LRPPRC: variants seen among roughly 807,000 people sequenced by gnomAD.
LRPPRC encodes the protein leucine-rich PPR motif-containing protein, mitochondrial.
In LRPPRC, 120 loss-of-function variants were observed where a neutral mutation model predicts 180.3. The observed-to-expected ratio is 0.67, with a 90% CI of 0.57 to 0.77. LRPPRC has a LOEUF of 0.77. Ranked by LOEUF, LRPPRC falls within the 30% of genes least tolerant of loss-of-function variation. The pLI is 0.00. For synonymous variants in LRPPRC, 723 were observed against 600.0 expected (o/e 1.21, Z -3.00); for missense variants, 2,012 against 1,657.2 (o/e 1.21, Z -3.72).
At chr2:43,959,356 T>TAAA (rs1673247280) in intron 13 of LRPPRC, 1 of 597,480 alleles carries the variant, frequency 1.7e-6, no homozygotes, top group African/African-American at 1.9e-5. Flanking sequence ...CTTACAATAT[T>TAAA]ACAACAAATA....
chr2:43,927,831 T>C (rs1283365826), intron 25 of LRPPRC, among the ~76,000 whole-genome samples: 1 of 152,234 alleles, frequency 6.6e-6, no homozygotes. Flanking sequence ...TTTTCATATA[T>C]AAATCTCAAT....
At chr2:43,954,157 C>T (rs990359321) in intron 14 of LRPPRC, among the ~76,000 whole-genome samples, 3 of 152,204 alleles carry the variant, frequency 2.0e-5, no homozygotes, top group African/African-American at 4.8e-5. Flanking sequence ...CTTATCCTTA[C>T]ATTTCTCTCT....
chr2:43,940,707 C>G (rs1011023342), intron 23 of LRPPRC, among the ~76,000 whole-genome samples: 5 of 152,168 alleles, frequency 3.3e-5, no homozygotes, highest in Admixed American at 6.5e-5. Flanking sequence ...GAACCTGAAA[C>G]TGCATCATAC....
At chr2:43,913,040 G>C (rs1370480208) in intron 29 of LRPPRC, among the ~76,000 whole-genome samples, 2 of 152,092 alleles carry the variant, frequency 1.3e-5, no homozygotes, top group Non-Finnish European at 2.9e-5. Context: ...CAGCACAATA[G>C]CACTAAAGAG....
chr2:43,977,308 A>G (rs765457279), intron 3 of LRPPRC, 32 bp from the exon 4 acceptor site: 23 of 1,561,688 alleles, frequency 1.5e-5, no homozygotes, highest in Non-Finnish European at 2.0e-5. Flanking sequence ...AATTTTTAGA[A>G]AAGCATTGAA....
At position 43,986,372 on chromosome 2, in the gene LRPPRC, C is replaced by T. The variant is rs572981044; in HGVS notation, c.150-3938G>A. ...CTCAAACTCCTGACCTCAAGCGATC[C>T]GCCCACCTTGGCCTCCCAAAGTGCT... On this transcript the variant is annotated intron_variant, in intron 1 of 37. Coordinates refer to ENST00000260665, the MANE Select transcript of LRPPRC (RefSeq NM_133259.4). Among the ~76,000 whole-genome samples, 467 of 152,224 alleles carry T rather than the reference C, an allele frequency of 3.1e-3. 2 individuals are homozygous for T. Among genetic ancestry groups the T allele is most frequent in the African/African-American group, 0.011 (438 of 41,518 alleles).
chr2:43,977,358 A>C, intron 3 of LRPPRC, 82 bp from the exon 4 acceptor site: 1 of 1,096,680 alleles, frequency 9.1e-7, no homozygotes, highest in African/African-American at 1.5e-5. Flanking sequence ...TAACAAACAA[A>C]AAGAGTAAAA....
intron 11 of LRPPRC, among the ~76,000 whole-genome samples, chr2:43,971,354 C>T (rs1673795387): frequency 6.6e-6 from 1 of 151,240 alleles, no homozygotes; most frequent in African/African-American, 2.4e-5. Flanking sequence ...TAAGATGAGC[C>T]ATGAGGAAGT....
At chr2:43,924,842 T>A (rs1452731452) in intron 27 of LRPPRC, among the ~76,000 whole-genome samples, 1 of 152,188 alleles carries the variant, frequency 6.6e-6, no homozygotes, top group Non-Finnish European at 1.5e-5. Context: ...TTTTCGTACT[T>A]TCTCATTATT....
rs1675029969 is a variant in LRPPRC at position 43,995,820 on chromosome 2, G to C, written c.128C>G (p.Ala43Gly). 1 of 1,411,396 alleles carries C rather than the reference G, an allele frequency of 7.1e-7. No individual in the cohort carries two copies. Among genetic ancestry groups the C allele is most frequent in the African/African-American group, 1.5e-5 (1 of 66,242 alleles). 87.4% of individuals were successfully genotyped at this position (1,411,396 alleles called of 1,614,324 possible). ...RLHAASYLPA[A>G]RAGPVAGGLL... ...TCACCCGGCCACGGGCCCGGCGCGAGCGGCGGGCAGATAGGAGGCGGCATG... is the reference window on the plus strand; with the variant it reads ...TCACCCGGCCACGGGCCCGGCGCGACCGGCGGGCAGATAGGAGGCGGCATG... The change falls in exon 1 of 38, where the codon GCT becomes GGT. Residue 43 changes from alanine to glycine, a missense_variant. Transcript: ENST00000260665.
chr2:43,986,670 T>C (rs982359054), intron 1 of LRPPRC, among the ~76,000 whole-genome samples: 4 of 152,324 alleles, frequency 2.6e-5, no homozygotes, highest in African/African-American at 7.2e-5. Context: ...TTAAGGCTAA[T>C]GATAGGGCCA....
chr2:43,974,203 C>A lies in LRPPRC; in HGVS notation c.1102G>T (p.Gly368Cys). 6.2e-7 allele frequency: 1 copy of A among 1,611,958 alleles called. No homozygotes were observed. The highest frequency in any genetic ancestry group is 8.5e-7 in the Non-Finnish European group (1 of 1,178,016). ...LLACPVSKED[G>C]PSVFGSFFLQ... ...AAGAAACTGCCAAAGACACTTGGGC[C>A]ATCTTCCTTTGATACGGGGCATGCT... Residue 368 changes from glycine to cysteine, a missense_variant, in exon 9 of 38, where the codon GGC (glycine) becomes TGC (cysteine). By Grantham distance (159) the Gly-to-Cys change is radical. Transcript: ENST00000260665.
rs752849097 is a variant in LRPPRC at position 43,974,591 on chromosome 2, T to C, written c.1009+23A>G. 7.6e-6 allele frequency: 11 copies of C among 1,454,302 alleles called. No homozygotes were observed. In the Admixed American group the frequency reaches 1.8e-4, roughly 24 times the overall value. The allele number at this position is 1,454,302 out of a possible 1,614,324, so 90.1% of individuals were successfully genotyped here. A position where few individuals can be genotyped will look rare whatever the true frequency, so the allele number is the denominator to read the frequency against. On this transcript the variant is annotated intron_variant, in intron 8 of 37. Transcript: ENST00000260665. The stretch of plus-strand genomic sequence containing the variant: ...AATTCAGATTTTTATAAAAATCATG[T>C]AAATAGATTTTTTTAAAACTACCTG...
intron 14 of LRPPRC, 133 bp from the exon 15 acceptor site, chr2:43,950,733 A>G: frequency 2.8e-6 from 2 of 720,524 alleles, no homozygotes; most frequent in Non-Finnish European, 2.5e-6. Flanking sequence ...ATGAATTTTC[A>G]GGACAAAGGT....
intron 27 of LRPPRC, among the ~76,000 whole-genome samples, chr2:43,924,441 A>T (rs1404057186): frequency 6.6e-6 from 1 of 152,230 alleles, no homozygotes; most frequent in Non-Finnish European, 1.5e-5. Context: ...AGGCACAAAA[A>T]TGAATAACGT....
intron 2 of LRPPRC, among the ~76,000 whole-genome samples, 180 bp downstream of exon 2, chr2:43,982,058 C>T (rs577591564): frequency 3.0e-4 from 45 of 152,240 alleles, no homozygotes; most frequent in African/African-American, 9.4e-4. Flanking sequence ...CAGGCACGCG[C>T]CACCATGCCT....
At chr2:43,920,303 T>G (rs1035597326) in intron 27 of LRPPRC, among the ~76,000 whole-genome samples, 1 of 152,018 alleles carries the variant, frequency 6.6e-6, no homozygotes, top group Admixed American at 6.5e-5. Flanking sequence ...ACCCCACTAA[T>G]TTTTGTATTT....
chr2:43,932,847 T>G (rs1041743995), intron 25 of LRPPRC, among the ~76,000 whole-genome samples: 3 of 152,146 alleles, frequency 2.0e-5, no homozygotes, highest in Non-Finnish European at 2.9e-5. Context: ...AAACAAGAAA[T>G]CACTCTTCTG....
chr2:43,995,537 G>A (rs546460890), intron 1 of LRPPRC, among the ~76,000 whole-genome samples: 2 of 152,334 alleles, frequency 1.3e-5, no homozygotes, highest in Non-Finnish European at 2.9e-5. Context: ...GTACCCCGAG[G>A]GCAGTAAGGT....
Sources: allele counts gnomAD v4.1 joint callset (sites outside exome capture counted in the v4.1 genomes callset), GRCh38; gene constraint gnomAD v4.1.1; transcripts MANE v1.5; gene names NCBI Gene and HGNC (gene_info 2026-07-23, HGNC 2026-07-21).